Variants in UNC13C observed in about 807,000 individuals in gnomAD.
UNC13C encodes the protein protein unc-13 homolog C.
UNC13C carries 174 observed loss-of-function variants against 245.4 expected under a neutral mutation model. That is an observed-to-expected ratio of 0.71 (90% CI 0.63 to 0.80). The LOEUF (loss-of-function observed/expected upper bound fraction) is 0.80. UNC13C is among the 30% of genes least tolerant of loss of function. The pLI, the probability that UNC13C is intolerant of heterozygous loss-of-function variation, is 0.00. For missense variants in UNC13C, 2,829 were observed against 2,602.9 expected, an observed-to-expected ratio of 1.09 and a Z score of -1.89; for synonymous variants, 992 against 895.1, an observed-to-expected ratio of 1.11 and a Z score of -1.93.
intron 2 of UNC13C, among the ~76,000 whole-genome samples, chr15:54,090,525 C>A (rs1015859069): frequency 1.3e-5 from 2 of 152,180 alleles, no homozygotes; most frequent in African/African-American, 4.8e-5. Context: ...TGACTACTTA[C>A]ATTTAGAAAG....
At chr15:54,283,505 C>A (rs555631267) in intron 10 of UNC13C, among the ~76,000 whole-genome samples, 1 of 152,008 alleles carries the variant, frequency 6.6e-6, no homozygotes, top group African/African-American at 2.4e-5. Context: ...AGTATATATA[C>A]ATTATTTAAT....
At chr15:54,624,472 AT>A (rs1901011905) in intron 32 of UNC13C, among the ~76,000 whole-genome samples, 1 of 152,164 alleles carries the variant, frequency 6.6e-6, no homozygotes, top group Non-Finnish European at 1.5e-5. Flanking sequence ...CACATCATAG[AT>A]AAAGGAGTGA....
chr15:54,013,398 C>T lies in UNC13C; in HGVS notation c.495C>T (p.Gly165=). The change falls in exon 2 of 33, where the codon GGC becomes GGT. Residue 165 remains glycine, a synonymous_variant. Transcript: ENST00000260323. ...KSSSSLAPSE[G]SSDGERTLHG... is the part of the protein sequence containing the mutation. ...CAAGCAGCCTTGCACCCTCTGAGGG[C>T]AGCTCTGACGGGGAGCGTACTCTAC... 6.2e-7 allele frequency: 1 copy of T among 1,613,870 alleles called. No individual in the cohort carries two copies. Among genetic ancestry groups the T allele is most frequent in the Non-Finnish European group, 8.5e-7 (1 of 1,179,864 alleles).
chr15:54,388,495 A>G (rs1439170034), intron 17 of UNC13C, among the ~76,000 whole-genome samples: 1 of 152,198 alleles, frequency 6.6e-6, no homozygotes, highest in African/African-American at 2.4e-5. Flanking sequence ...CCCCACCAGT[A>G]CACTGTGCAC....
the UNC13C span, among the ~76,000 whole-genome samples, chr15:53,893,388 G>C: frequency 5.9e-5 from 9 of 152,154 alleles, no homozygotes; most frequent in African/African-American, 2.2e-4. Flanking sequence ...TGCTGTGCTG[G>C]GAGGTTTGCT....
At chr15:54,553,746 T>A (rs2141193962) in intron 28 of UNC13C, among the ~76,000 whole-genome samples, 1 of 151,622 alleles carries the variant, frequency 6.6e-6, no homozygotes, top group East Asian at 1.9e-4. Flanking sequence ...AAAAAATTAT[T>A]TCTAGTAAGA....
At chr15:53,995,969 C>T (rs149216149) in intron 1 of UNC13C, among the ~76,000 whole-genome samples, 220 of 152,140 alleles carry the variant, frequency 1.4e-3, no homozygotes, top group Non-Finnish European at 2.2e-3. Context: ...TATGGAAGGA[C>T]GGCCGAAGGC....
chr15:53,962,237 T>G, the UNC13C span, among the ~76,000 whole-genome samples: 2 of 152,154 alleles, frequency 1.3e-5, no homozygotes, highest in East Asian at 3.9e-4. Context: ...GCTTACAGAA[T>G]ATCATTTTTC....
At chr15:53,844,030 G>C in the UNC13C span, among the ~76,000 whole-genome samples, 2 of 152,182 alleles carry the variant, frequency 1.3e-5, no homozygotes, top group African/African-American at 4.8e-5. Context: ...CAGTTTAAAG[G>C]AGATGTGACA....
chr15:54,475,010 C>G (rs1039656868), intron 19 of UNC13C, among the ~76,000 whole-genome samples: 3 of 151,950 alleles, frequency 2.0e-5, no homozygotes, highest in African/African-American at 7.3e-5. Flanking sequence ...ACATCCATCC[C>G]CATGACTCAA....
Position 54,025,874 on chromosome 15 carries a change from T to C in UNC13C, c.2983+9988T>C, listed in dbSNP as rs376744113. ...AGAAATTGTTGACCGCATATAATCA[T>C]GGCAACAAGAAATGACAGCTTGAAT... is the stretch of plus-strand genomic sequence containing the variant. On this transcript the variant is annotated intron_variant, in intron 2 of 32. Transcript: ENST00000260323. Among the ~76,000 whole-genome samples, 15 of 152,188 alleles carry C rather than the reference T, an allele frequency of 9.9e-5. No individual in the cohort carries two copies. In the South Asian group the frequency reaches 2.9e-3, roughly 29 times the overall value.
At chr15:54,386,211 G>T (rs2039833689) in intron 17 of UNC13C, among the ~76,000 whole-genome samples, 1 of 152,128 alleles carries the variant, frequency 6.6e-6, no homozygotes, top group South Asian at 2.1e-4. Flanking sequence ...TGGAAATTAA[G>T]ATAACCCTCA....
intron 17 of UNC13C, among the ~76,000 whole-genome samples, chr15:54,387,893 G>T (rs964384555): frequency 6.6e-6 from 1 of 152,020 alleles, no homozygotes; most frequent in African/African-American, 2.4e-5. Context: ...AAACCTTGTT[G>T]CTAAGATCTT....
chr15:54,056,424 G>A (rs1481747246), intron 2 of UNC13C, among the ~76,000 whole-genome samples: 1 of 152,110 alleles, frequency 6.6e-6, no homozygotes, highest in Non-Finnish European at 1.5e-5. Context: ...AGAATAAAAA[G>A]AAATGCACAA....
the UNC13C span, among the ~76,000 whole-genome samples, chr15:53,883,538 A>G: frequency 1.3e-5 from 2 of 152,316 alleles, no homozygotes; most frequent in South Asian, 4.1e-4. Context: ...TCTATCACAC[A>G]TCCTTTCATA....
At chr15:54,414,821 A>AT (rs74851984) in intron 18 of UNC13C, among the ~76,000 whole-genome samples, 161 bp from the exon 19 acceptor site, 7,954 of 148,496 alleles carry the variant, frequency 0.054, 236 homozygotes, top group Middle Eastern at 0.1. Flanking sequence ...AGTGTGTAAC[A>AT]TTTTTTTTTT....
intron 14 of UNC13C, among the ~76,000 whole-genome samples, chr15:54,322,307 A>G (rs1596217336): frequency 6.6e-6 from 1 of 152,062 alleles, no homozygotes; most frequent in Non-Finnish European, 1.5e-5. Context: ...GAATCTTCAT[A>G]TCTTAAAGGA....
In UNC13C at chr15:54,273,307, C is replaced by G. The variant is rs1567151098; in HGVS notation, c.3818+7811C>G. On this transcript the variant is annotated intron_variant, in intron 10 of 32. Transcript: ENST00000260323. ...AGTTTATTCACCTATATCTGTTTTT[C>G]CATCTTTCCATTTGCACACACACTC... Among the ~76,000 whole-genome samples, 4 of 152,100 alleles carry G rather than the reference C, an allele frequency of 2.6e-5. No homozygotes were observed. The South Asian group carries it at 8.3e-4, about 32-fold the overall frequency.
intron 19 of UNC13C, among the ~76,000 whole-genome samples, chr15:54,421,574 C>A (rs746351093): frequency 6.6e-6 from 1 of 152,048 alleles, no homozygotes; most frequent in Non-Finnish European, 1.5e-5. Context: ...CCAGCAATTC[C>A]TGTTTTGACA....
Sources: gnomAD v4.1 joint callset for allele counts (sites outside exome capture counted in the v4.1 genomes callset) on GRCh38, gnomAD v4.1.1 for gene constraint, MANE v1.5 for transcripts, NCBI Gene and HGNC (gene_info 2026-07-23, HGNC 2026-07-21) for gene names.